FMN2: variants seen among roughly 807,000 people sequenced by gnomAD.
The protein encoded by FMN2 is formin-2.
A neutral mutation model predicts 142.3 loss-of-function variants in FMN2; 51 were observed. The observed-to-expected ratio is 0.36, with a 90% CI of 0.29 to 0.45. The LOEUF (loss-of-function observed/expected upper bound fraction) is 0.45. Among genes scored for constraint, FMN2 ranks in the 20% least tolerant of loss-of-function variants. The pLI is 1.00. For synonymous variants in FMN2, 882 were observed against 869.8 expected, an observed-to-expected ratio of 1.01 and a Z score of -0.25; for missense variants, 1,936 against 2,122.8, an observed-to-expected ratio of 0.91 and a Z score of 1.73.
At chr1:240,313,582 G>C (rs1057119460) in intron 8 of FMN2, among the ~76,000 whole-genome samples, 1 of 152,040 alleles carries the variant, frequency 6.6e-6, no homozygotes, top group African/African-American at 2.4e-5. Flanking sequence ...GTTTTTCTTA[G>C]ATACTGCAGC....
intron 5 of FMN2, among the ~76,000 whole-genome samples, chr1:240,209,407 C>G (rs922298920): frequency 6.6e-6 from 1 of 151,388 alleles, no homozygotes; most frequent in Non-Finnish European, 1.5e-5. Context: ...CCCGCCACCA[C>G]GCCCGGTTAA....
chr1:240,241,099 T>G lies in FMN2; in HGVS notation c.4066-16846T>G, dbSNP rs77589655. Among the ~76,000 whole-genome samples the G allele has an allele frequency of 4.8e-3, 729 of 152,340 alleles. 6 individuals are homozygous for G. The highest frequency in any genetic ancestry group is 9.1e-3 in the Admixed American group (139 of 15,312). ...TTATAGTGCATGTTACTGTGATATT[T>G]TTAAACAAACTGTGAAATTTAGAAA... is the stretch of plus-strand genomic sequence containing the variant. On this transcript the variant is annotated intron_variant, in intron 6 of 17. Transcript: ENST00000319653.
In FMN2 at chr1:240,227,285, GA is replaced by G. The variant is rs1572090928; in HGVS notation, c.4065+16052del. Reference sequence around the variant, plus strand: ...CTGAATCTAGAAAGCATTGTTGAAAGAAGTTAAGGAGGATCTAAATAAAGGG... The same window carrying G: ...CTGAATCTAGAAAGCATTGTTGAAAGAGTTAAGGAGGATCTAAATAAAGGG... On this transcript the variant is annotated intron_variant, in intron 6 of 17. Transcript: ENST00000319653. 2.6e-5 allele frequency among the ~76,000 whole-genome samples: 4 copies of G among 152,282 alleles called. No homozygotes were observed. The East Asian group carries it at 7.7e-4, about 29-fold the overall frequency.
Position 240,093,632 on chromosome 1 carries a change from C to T in FMN2, c.1523C>T (p.Ala508Val), listed in dbSNP as rs376836605. The T allele has an allele frequency of 3.5e-6, 5 of 1,420,014 alleles. No homozygotes were observed. The highest frequency in any genetic ancestry group is 5.5e-5 in the East Asian group (2 of 36,180). The allele number at this position is 1,420,014 out of a possible 1,614,324, so 88.0% of individuals were successfully genotyped here. A position where few individuals can be genotyped will look rare whatever the true frequency, so the allele number is the denominator to read the frequency against. ...GSAHLLERGV[A>V]SDSGGGVSPA... is the part of the protein sequence containing the mutation. ...GCGCACCTGCTGGAGCGCGGGGTGGCGAGTGACAGCGGCGGTGGGGTGTCC... is the reference window on the plus strand; with the variant it reads ...GCGCACCTGCTGGAGCGCGGGGTGGTGAGTGACAGCGGCGGTGGGGTGTCC... The change falls in exon 1 of 18, where the codon GCG becomes GTG. Residue 508 changes from alanine to valine, a missense_variant. This residue lies in a region of FMN2 where 751 missense variants were observed against 791.8 expected (regional missense o/e 0.95). Coordinates refer to ENST00000319653, the MANE Select transcript of FMN2 (RefSeq NM_020066.5).
intron 2 of FMN2, among the ~76,000 whole-genome samples, chr1:240,124,127 G>C (rs1454277376): frequency 6.6e-6 from 1 of 152,080 alleles, no homozygotes; most frequent in Non-Finnish European, 1.5e-5. Flanking sequence ...TATGAATATG[G>C]GTTCATAATG....
chr1:240,327,057 G>C (rs1671195986), intron 8 of FMN2, among the ~76,000 whole-genome samples: 1 of 152,196 alleles, frequency 6.6e-6, no homozygotes, highest in African/African-American at 2.4e-5. Flanking sequence ...GACGAATGAA[G>C]TAGTATTTGC....
At position 240,092,197 on chromosome 1, in the gene FMN2, A is replaced by G; in HGVS notation, c.88A>G (p.Arg30Gly). The change falls in exon 1 of 18, where the codon AGG becomes GGG. Residue 30 changes from arginine to glycine, a missense_variant. This residue lies in a region of FMN2 where 751 missense variants were observed against 791.8 expected (regional missense o/e 0.95). Coordinates refer to ENST00000319653, the MANE Select transcript of FMN2 (RefSeq NM_020066.5). ...TGGCGCCGAGGATGCGCTGGGGCCC[A>G]GGGATGTGGAAGCCACAAAGAAGGG... Reference protein sequence around the residue: ...GGGAEDALGPRDVEATKKGSG... With the variant: ...GGGAEDALGPGDVEATKKGSG... 1.3e-6 allele frequency: 2 copies of G among 1,555,856 alleles called. No homozygotes were observed. Among genetic ancestry groups the G allele is most frequent in the East Asian group, 2.3e-5 (1 of 42,588 alleles).
rs151283934 is a variant in FMN2 at position 240,135,765 on chromosome 1, C to T, written c.1782+12420C>T. ...TGCGATCTCGGCTCACTGCAGCCTC[C>T]GCCTCCTGGGTTCAAGCGATTCTCG... On this transcript the variant is annotated intron_variant, in intron 2 of 17. Coordinates refer to ENST00000319653, the MANE Select transcript of FMN2 (RefSeq NM_020066.5). Among the ~76,000 whole-genome samples the T allele has an allele frequency of 1.9e-3, 285 of 151,506 alleles. 1 individual carries two copies. The highest frequency in any genetic ancestry group is 6.6e-3 in the African/African-American group (271 of 41,292).
At chr1:240,103,328 G>A (rs1360486528) in intron 1 of FMN2, among the ~76,000 whole-genome samples, 1 of 152,172 alleles carries the variant, frequency 6.6e-6, no homozygotes, top group African/African-American at 2.4e-5. Context: ...ATTTCCTTTT[G>A]TATGTGTGCT....
rs199702261 is a variant in FMN2 at position 240,208,162 on chromosome 1, G to T, written c.3350G>T (p.Gly1117Val). ...CCTCCGCCCCCTCTACCCGGAGCGG[G>T]CATACCCCCTCCTCCCCCTCTACCC... ...IPPPPPLPGA[G>V]IPPPPPLPGA... Residue 1117 changes from glycine to valine, a missense_variant, in exon 5 of 18, where the codon GGC becomes GTC. Transcript: ENST00000319653. 279 of 1,136,164 alleles carry T rather than the reference G, an allele frequency of 2.5e-4. 4 individuals are homozygous for T. In the African/African-American group the frequency reaches 5.5e-3, roughly 22 times the overall value. 70.4% of individuals were successfully genotyped at this position (1,136,164 alleles called of 1,614,324 possible).
intron 16 of FMN2, among the ~76,000 whole-genome samples, chr1:240,459,603 GCTA>G (rs975067919): frequency 1.3e-5 from 2 of 151,744 alleles, no homozygotes; most frequent in African/African-American, 2.4e-5. Context: ...TGTAGTTGCA[GCTA>G]CTCAGGAGGC....
At chr1:240,257,417 G>A (rs532181146) in intron 6 of FMN2, among the ~76,000 whole-genome samples, 47 of 152,256 alleles carry the variant, frequency 3.1e-4, no homozygotes, top group African/African-American at 1.1e-3. Context: ...AAAATAGTGA[G>A]CTTTCTATGT....
intron 15 of FMN2, among the ~76,000 whole-genome samples, chr1:240,435,805 T>A (rs2103173662): frequency 6.6e-6 from 1 of 152,322 alleles, no homozygotes; most frequent in African/African-American, 2.4e-5. Flanking sequence ...TTCAAAATGT[T>A]GCAAGATAAC....
At position 240,338,079 on chromosome 1, in the gene FMN2, G is replaced by A. The variant is rs568653758; in HGVS notation, c.4765+3850G>A. ...CTTAAATCAACTCAACATGCACGGA[G>A]CATTGAGTAATTAAGTTACCGGAAC... On this transcript the variant is annotated intron_variant, in intron 13 of 17. Transcript: ENST00000319653. Among the ~76,000 whole-genome samples, 3 of 152,308 alleles carry A rather than the reference G, an allele frequency of 2.0e-5. No individual in the cohort carries two copies. The East Asian group carries it at 5.8e-4, about 29-fold the overall frequency.
intron 16 of FMN2, among the ~76,000 whole-genome samples, chr1:240,442,763 T>C (rs183363189): frequency 1.3e-3 from 204 of 152,344 alleles, no homozygotes; most frequent in African/African-American, 4.7e-3. Context: ...CGCATGTGAT[T>C]TGGTTGATAT....
rs200121171 is a variant in FMN2, at chr1:240,328,559, T to TTTTATTTA, written c.4216-477_4216-470dup. On this transcript the variant is annotated intron_variant, in intron 8 of 17. Coordinates refer to ENST00000319653, the MANE Select transcript of FMN2 (RefSeq NM_020066.5). ...TTGCATTAAACATATTTACACTTTATTTTATTTATTTATTTATTTATTTAT... is the reference window on the plus strand; with the variant it reads ...TTGCATTAAACATATTTACACTTTATTTTATTTATTTATTTATTTATTTATTTATTTAT... Among the ~76,000 whole-genome samples, 82 of 140,400 alleles carry TTTTATTTA rather than the reference T, an allele frequency of 5.8e-4. 1 individual carries two copies. The highest frequency in any genetic ancestry group is 2.0e-3 in the African/African-American group (75 of 38,042). 92.1% of individuals were successfully genotyped at this position (140,400 alleles called of 152,430 possible). A position where few individuals can be genotyped will look rare whatever the true frequency, so the allele number is the denominator to read the frequency against.
chr1:240,454,323 C>G (rs1444981348), intron 16 of FMN2, among the ~76,000 whole-genome samples: 2 of 152,146 alleles, frequency 1.3e-5, no homozygotes, highest in African/African-American at 4.8e-5. Context: ...AGGTAGATCA[C>G]TTGAGGTCAG....
chr1:240,407,890 G>A (rs572273810), intron 15 of FMN2, among the ~76,000 whole-genome samples: 4 of 152,182 alleles, frequency 2.6e-5, no homozygotes, highest in African/African-American at 9.6e-5. Flanking sequence ...GTAATACTGT[G>A]GCATGGAAAG....
intron 8 of FMN2, among the ~76,000 whole-genome samples, chr1:240,299,045 G>C (rs1670096862): frequency 6.6e-6 from 1 of 151,938 alleles, no homozygotes; most frequent in South Asian, 2.1e-4. Flanking sequence ...CTGCCTCCCA[G>C]GTTCAAGTTC....
Sources: allele counts gnomAD v4.1 joint callset (sites outside exome capture counted in the v4.1 genomes callset), GRCh38; gene constraint gnomAD v4.1.1; regional missense constraint gnomAD v4.1.1; transcripts MANE v1.5; gene names NCBI Gene and HGNC (gene_info 2026-07-23, HGNC 2026-07-21).